POLR2F: variants seen among roughly 807,000 people sequenced by gnomAD.
POLR2F encodes the protein RNA polymerase II, I and III subunit F.
In POLR2F, 12 loss-of-function variants were observed where a neutral mutation model predicts 22.7. That is an observed-to-expected ratio of 0.53 (90% CI 0.34 to 0.86). The LOEUF (loss-of-function observed/expected upper bound fraction) is 0.86, where lower values mean the gene tolerates loss of function less well. Among genes scored for constraint, POLR2F ranks in the 40% least tolerant of loss-of-function variants. The pLI is 0.02. For synonymous variants in POLR2F, 57 were observed against 66.0 expected (o/e 0.86, Z 0.66); for missense variants, 126 against 171.5 (o/e 0.73, Z 1.48).
rs1019166022 is a variant in POLR2F, at chr22:37,980,282, A to T, written c.293+13112A>T. ...CCACAGAGGAGAGAGCTGCTCCGCC[A>T]GCAGTGGACCCCAACAGAGGGGCTT... On this transcript the variant is annotated intron_variant, in intron 4 of 4. Transcript: ENST00000405557. The surrounding 1 kb of genome is among the most constrained non-coding windows in gnomAD (Gnocchi z 4.1). Among the ~76,000 whole-genome samples the T allele has an allele frequency of 2.0e-5, 3 of 152,216 alleles. No individual in the cohort carries two copies. The highest frequency in any genetic ancestry group is 7.2e-5 in the African/African-American group (3 of 41,518).
upstream of POLR2F, chr22:37,986,178 C>A: frequency 6.5e-7 from 1 of 1,542,544 alleles, no homozygotes; most frequent in Non-Finnish European, 8.7e-7. This position sits in a 1 kb window ranked among gnomAD's most constrained non-coding sequence, Gnocchi z 4.7. Flanking sequence ...CAGAACCGCC[C>A]GGAGAGGAGC....
At chr22:37,962,475 C>G (rs1931683263) in intron 3 of POLR2F, among the ~76,000 whole-genome samples, 1 of 152,146 alleles carries the variant, frequency 6.6e-6, no homozygotes, top group African/African-American at 2.4e-5. Context: ...CTCTTCTCAG[C>G]CTGGTTGCAC....
intron 1 of POLR2F, among the ~76,000 whole-genome samples, chr22:38,014,804 G>GTTTTTTTTT (rs1569180964): frequency 9.2e-6 from 1 of 108,538 alleles, no homozygotes; most frequent in Non-Finnish European, 1.9e-5. Context: ...TTGTATTTTT[G>GTTTTTTTTT]TATTTTTTTT....
intron 5 of POLR2F, among the ~76,000 whole-genome samples, chr22:38,035,237 T>C (rs972120900): frequency 4.6e-5 from 7 of 152,204 alleles, no homozygotes; most frequent in African/African-American, 1.7e-4. Flanking sequence ...ATGGTGCACA[T>C]CTGGAGCCCA....
chr22:38,008,734 T>G (rs1167743357), intron 1 of POLR2F, among the ~76,000 whole-genome samples: 2 of 151,056 alleles, frequency 1.3e-5, no homozygotes, highest in Non-Finnish European at 3.0e-5. Context: ...GGCTTGCGCC[T>G]GTAATCCCAG....
At chr22:38,025,628 G>C in intron 1 of POLR2F, 2 of 1,559,954 alleles carry the variant, frequency 1.3e-6, no homozygotes, top group Non-Finnish European at 1.7e-6. Context: ...CTACGCACTG[G>C]CCCACAGCCT....
chr22:37,959,056 C>G (rs747037547), intron 2 of POLR2F, among the ~76,000 whole-genome samples: 1 of 152,130 alleles, frequency 6.6e-6, no homozygotes. Flanking sequence ...GCCCTCTGCT[C>G]TCTTCTGGAT....
rs574656255 is a variant in POLR2F, at chr22:37,999,484, G to A, written c.120+13172G>A. 5.9e-5 allele frequency among the ~76,000 whole-genome samples: 9 copies of A among 152,184 alleles called. No homozygotes were observed. The South Asian group carries it at 1.5e-3, about 25-fold the overall frequency. On this transcript the variant is annotated intron_variant, in intron 1 of 2. Coordinates refer to the POLR2F transcript ENST00000333418. ...GTCATACCCTAAGGAAGGCCTTGGC[G>A]AGGCTCCAGGAGGCCTAGGAGGGTG... is the stretch of plus-strand genomic sequence containing the variant.
chr22:38,028,115 C>T (rs1039709271), downstream of POLR2F, among the ~76,000 whole-genome samples: 7 of 152,132 alleles, frequency 4.6e-5, no homozygotes, highest in East Asian at 1.9e-4. Flanking sequence ...GCCCACTGAC[C>T]GCCCCTTTTG....
At chr22:37,961,814 G>GGGGGGAAGCA (rs1931652232) in intron 3 of POLR2F, among the ~76,000 whole-genome samples, 2 of 72,322 alleles carry the variant, frequency 2.8e-5, no homozygotes, top group Non-Finnish European at 5.5e-5. Flanking sequence ...TAATGGTACT[G>GGGGGGAAGCA]TGGGGAAGCA....
At chr22:37,959,235 G>A in intron 2 of POLR2F, 111 bp from the exon 3 acceptor site, 1 of 1,057,038 alleles carries the variant, frequency 9.5e-7, no homozygotes. Flanking sequence ...CTGGCATGCA[G>A]TAAGCATTAA....
intron 5 of POLR2F, among the ~76,000 whole-genome samples, chr22:38,038,506 G>T (rs1204799377): frequency 4.6e-5 from 7 of 152,066 alleles, no homozygotes; most frequent in African/African-American, 1.7e-4. Flanking sequence ...TTGAGAGATT[G>T]GTCGTCCAGG....
chr22:38,004,430 C>T (rs771508820), intron 1 of POLR2F, among the ~76,000 whole-genome samples: 1 of 152,148 alleles, frequency 6.6e-6, no homozygotes, highest in Non-Finnish European at 1.5e-5. Flanking sequence ...AACACCCTTG[C>T]CACTTCCTGA....
chr22:37,968,879 G>A lies in POLR2F; in HGVS notation c.*1164G>A, dbSNP rs930714761. The stretch of plus-strand genomic sequence containing the variant: ...ATCTGCATTGGTGGGAGGGGTGTCC[G>A]CTGCCCTGGAGAAGGGTTAATTCAG... On this transcript the variant is annotated 3_prime_UTR_variant, in exon 5 of 5. Coordinates refer to ENST00000442738, the MANE Select transcript of POLR2F (RefSeq NM_021974.5). 1.1e-5 allele frequency: 11 copies of A among 985,254 alleles called. No homozygotes were observed. Among genetic ancestry groups the A allele is most frequent in the Non-Finnish European group, 6.0e-6 (5 of 829,902 alleles). 61.0% of individuals were successfully genotyped at this position (985,254 alleles called of 1,614,324 possible).
chr22:38,006,575 A>G (rs528399589), intron 1 of POLR2F, among the ~76,000 whole-genome samples: 1 of 152,330 alleles, frequency 6.6e-6, no homozygotes, highest in African/African-American at 2.4e-5. Flanking sequence ...CTAGTCCCCA[A>G]GGGTCATTCC....
At chr22:37,998,521 G>A (rs1170669704) in intron 1 of POLR2F, among the ~76,000 whole-genome samples, 1 of 152,190 alleles carries the variant, frequency 6.6e-6, no homozygotes, top group Non-Finnish European at 1.5e-5. Flanking sequence ...GGCAGGTTGG[G>A]GTGGTCCTGC....
At chr22:38,000,374 T>C (rs1227466032) in intron 1 of POLR2F, among the ~76,000 whole-genome samples, 1 of 151,738 alleles carries the variant, frequency 6.6e-6, no homozygotes, top group African/African-American at 2.4e-5. Flanking sequence ...GGGCTAGGAG[T>C]CTGGACTCCT....
intron 1 of POLR2F, among the ~76,000 whole-genome samples, chr22:38,013,535 A>G (rs1360163273): frequency 6.6e-6 from 1 of 152,222 alleles, no homozygotes; most frequent in Admixed American, 6.5e-5. Flanking sequence ...TGTACATGTA[A>G]AATGGTCTCA....
chr22:37,964,510 A>G (rs1931774479), intron 3 of POLR2F, among the ~76,000 whole-genome samples: 1 of 152,040 alleles, frequency 6.6e-6, no homozygotes, highest in African/African-American at 2.4e-5. Context: ...TTTGAGGCCA[A>G]CATCCAGCAT....
Sources: gnomAD v4.1 joint callset for allele counts (sites outside exome capture counted in the v4.1 genomes callset) on GRCh38, gnomAD v4.1.1 for gene constraint, Gnocchi (gnomAD v3.1) non-coding constraint, MANE v1.5 for transcripts, NCBI Gene and HGNC (gene_info 2026-07-23, HGNC 2026-07-21) for gene names.